Variants in TUFT1 observed in about 807,000 individuals in gnomAD.
TUFT1 encodes tuftelin.
Under a neutral mutation model 57.8 loss-of-function variants are expected in TUFT1, and 43 were observed. That is an observed-to-expected ratio of 0.74 (90% CI 0.58 to 0.96). The LOEUF is 0.96. Ranked by LOEUF, TUFT1 falls within the 40% of genes least tolerant of loss-of-function variation. The pLI is 0.00. For missense variants in TUFT1, 459 were observed against 489.0 expected, an observed-to-expected ratio of 0.94 and a Z score of 0.58; for synonymous variants, 166 against 176.7, an observed-to-expected ratio of 0.94 and a Z score of 0.48.
chr1:151,549,116 A>G (rs1348430239), intron 1 of TUFT1, among the ~76,000 whole-genome samples: 1 of 152,208 alleles, frequency 6.6e-6, no homozygotes, highest in Admixed American at 6.5e-5. Flanking sequence ...TTATGAGGTT[A>G]GAGGCTGCTT....
intron 6 of TUFT1, 68 bp downstream of exon 6, chr1:151,566,296 T>C: frequency 7.7e-7 from 1 of 1,299,672 alleles, no homozygotes; most frequent in Non-Finnish European, 1.1e-6. Context: ...CCCCATCCTT[T>C]TGTTTATTGC....
intron 9 of TUFT1, among the ~76,000 whole-genome samples, chr1:151,575,578 C>G (rs1416421165): frequency 5.9e-5 from 9 of 152,148 alleles, no homozygotes; most frequent in African/African-American, 2.2e-4. Context: ...TCCCTCTGAT[C>G]AGAGGAAATC....
chr1:151,557,360 A>G (rs533657992), intron 1 of TUFT1: 2 of 625,786 alleles, frequency 3.2e-6, no homozygotes, highest in East Asian at 5.5e-5. Context: ...AGACATTGTT[A>G]TACTTTTTGC....
chr1:151,542,865 C>A (rs1261784912), intron 1 of TUFT1, among the ~76,000 whole-genome samples: 1 of 152,156 alleles, frequency 6.6e-6, no homozygotes, highest in East Asian at 1.9e-4. Context: ...AGCCAACTTG[C>A]AGACAGAATT....
chr1:151,549,913 G>A (rs377264544), intron 1 of TUFT1, among the ~76,000 whole-genome samples: 7 of 152,062 alleles, frequency 4.6e-5, no homozygotes, highest in African/African-American at 1.7e-4. Context: ...GTAGAGACAG[G>A]GTCTCATTAT....
At chr1:151,564,447 A>G (rs1365435242) in intron 4 of TUFT1, 78 bp from the exon 5 acceptor site, 2 of 1,069,182 alleles carry the variant, frequency 1.9e-6, no homozygotes, top group Non-Finnish European at 2.8e-6. Flanking sequence ...CAGGCCAGGG[A>G]TGGGGCACAG....
At chr1:151,549,507 G>C (rs1056717898) in intron 1 of TUFT1, among the ~76,000 whole-genome samples, 10 of 152,208 alleles carry the variant, frequency 6.6e-5, no homozygotes, top group Non-Finnish European at 1.3e-4. Flanking sequence ...AGAGCTACTT[G>C]GGAAAGTAAT....
intron 1 of TUFT1, among the ~76,000 whole-genome samples, chr1:151,545,639 C>G (rs1223526752): frequency 6.6e-6 from 1 of 152,184 alleles, no homozygotes; most frequent in African/African-American, 2.4e-5. Context: ...GAGGAAGAGT[C>G]TGGGAACTCT....
intron 1 of TUFT1, chr1:151,561,749 C>A: frequency 7.6e-7 from 1 of 1,320,890 alleles, no homozygotes; most frequent in Non-Finnish European, 9.9e-7. Context: ...GATGAGCAGT[C>A]CAGGAATGAC....
At chr1:151,574,456 G>C (rs945100321) in intron 8 of TUFT1, 58 bp downstream of exon 8, 19 of 1,599,874 alleles carry the variant, frequency 1.2e-5, no homozygotes, top group Non-Finnish European at 1.5e-5. Flanking sequence ...GGGGCCTGCA[G>C]GTGGATCGAA....
At chr1:151,559,062 G>A (rs546980737) in intron 1 of TUFT1, among the ~76,000 whole-genome samples, 2 of 152,318 alleles carry the variant, frequency 1.3e-5, no homozygotes, top group Admixed American at 6.5e-5. Flanking sequence ...TGGGTTTACA[G>A]GCATGAGCCA....
chr1:151,556,093 A>T (rs1307913037), intron 1 of TUFT1, among the ~76,000 whole-genome samples: 1 of 152,174 alleles, frequency 6.6e-6, no homozygotes, highest in Non-Finnish European at 1.5e-5. Context: ...ACACAAGTGA[A>T]ATTATAGAGC....
At chr1:151,549,601 G>A (rs557480321) in intron 1 of TUFT1, among the ~76,000 whole-genome samples, 1 of 152,326 alleles carries the variant, frequency 6.6e-6, no homozygotes, top group African/African-American at 2.4e-5. Flanking sequence ...TTCCTAAAAT[G>A]TCGGTTGTGA....
chr1:151,572,072 A>G (rs1433362224), intron 7 of TUFT1, among the ~76,000 whole-genome samples: 2 of 152,122 alleles, frequency 1.3e-5, no homozygotes, highest in Non-Finnish European at 2.9e-5. Context: ...GTGGTGGAGC[A>G]TGCCTGTGGT....
At chr1:151,568,318 AGT>A in intron 6 of TUFT1, among the ~76,000 whole-genome samples, 1 of 152,192 alleles carries the variant, frequency 6.6e-6, no homozygotes, top group South Asian at 2.1e-4. Flanking sequence ...TAAAATGTTC[AGT>A]ATACATGATG....
intron 2 of TUFT1, 39 bp downstream of exon 2, chr1:151,562,204 A>T: frequency 6.4e-7 from 1 of 1,568,184 alleles, no homozygotes; most frequent in Middle Eastern, 1.8e-4. Flanking sequence ...CCCTCCCCAC[A>T]CCAGTGCTTC....
chr1:151,570,364 T>G (rs1230615473), intron 7 of TUFT1, among the ~76,000 whole-genome samples: 1 of 151,636 alleles, frequency 6.6e-6, no homozygotes, highest in Non-Finnish European at 1.5e-5. Context: ...TCACTGCAAC[T>G]TCTGCCTCCC....
At chr1:151,567,981 C>T (rs1666136070) in intron 6 of TUFT1, among the ~76,000 whole-genome samples, 1 of 152,194 alleles carries the variant, frequency 6.6e-6, no homozygotes, top group East Asian at 1.9e-4. Flanking sequence ...CACTTGTAAT[C>T]TACTCAGAGA....
At chr1:151,575,144 G>T (rs999138791) in intron 9 of TUFT1, 139 bp downstream of exon 9, 6 of 755,802 alleles carry the variant, frequency 7.9e-6, no homozygotes, top group Non-Finnish European at 1.3e-5. Context: ...CTGACTCACC[G>T]TGAGCTTGCT....
Sources: allele counts gnomAD v4.1 joint callset (sites outside exome capture counted in the v4.1 genomes callset), GRCh38; gene constraint gnomAD v4.1.1; transcripts MANE v1.5; gene names NCBI Gene and HGNC (gene_info 2026-07-23, HGNC 2026-07-21).